The following LMCD1 variants were observed in gnomAD, a reference collection of about 807,000 sequenced individuals.
LMCD1 encodes LIM and cysteine rich domains 1, also known as LIM and cysteine-rich domains protein 1.
A neutral mutation model predicts 42.7 loss-of-function variants in LMCD1; 32 were observed. The ratio of observed to expected loss-of-function variants is 0.75; its 90% CI spans 0.57 to 1.01. The LOEUF (loss-of-function observed/expected upper bound fraction) is 1.01, where lower values mean the gene tolerates loss of function less well. Ranked by LOEUF, LMCD1 falls within the 50% of genes least tolerant of loss-of-function variation. The pLI is 0.00. For synonymous variants in LMCD1, 178 were observed against 184.9 expected, an observed-to-expected ratio of 0.96 and a Z score of 0.30; for missense variants, 458 against 483.1, an observed-to-expected ratio of 0.95 and a Z score of 0.49.
chr3:8,534,069 A>C (rs1694464605), intron 2 of LMCD1, among the ~76,000 whole-genome samples: 2 of 151,950 alleles, frequency 1.3e-5, no homozygotes, highest in Admixed American at 1.3e-4. Flanking sequence ...GCCTGGAAAG[A>C]AAGTCAACTT....
chr3:8,551,794 G>C (rs1363277496), intron 4 of LMCD1, among the ~76,000 whole-genome samples: 1 of 152,202 alleles, frequency 6.6e-6, no homozygotes, highest in Non-Finnish European at 1.5e-5. Flanking sequence ...AAGTGGACGT[G>C]TGTGCTGGCT....
Position 8,574,125 on chromosome 3 carries a change from C to T in LMCD1, c.*6527C>T, listed in dbSNP as rs963785178. ...CACAGCCACCAGTGGCAGCTGGGCT[C>T]ACTTTTGTCCTTGGAGCCAGTGAGC... On this transcript the variant is annotated 3_prime_UTR_variant, in exon 6 of 6. Coordinates refer to ENST00000157600, the MANE Select transcript of LMCD1 (RefSeq NM_014583.4). 2 of 152,252 alleles carry T rather than the reference C, an allele frequency of 1.3e-5. No individual in the cohort carries two copies. The highest frequency in any genetic ancestry group is 3.9e-4 in the East Asian group (2 of 5,194). 9.4% of individuals were successfully genotyped at this position (152,252 alleles called of 1,614,324 possible).
intron 1 of LMCD1, among the ~76,000 whole-genome samples, chr3:8,532,242 T>C (rs1304123141): frequency 6.6e-6 from 1 of 152,170 alleles, no homozygotes. Flanking sequence ...TTTAGCAAAA[T>C]ATTTAAGTTA....
chr3:8,537,181 C>G lies in LMCD1; in HGVS notation c.132-4C>G, dbSNP rs763648160. The G allele has an allele frequency of 1.9e-6, 3 of 1,613,068 alleles. No individual in the cohort carries two copies. The highest frequency in any genetic ancestry group is 1.7e-5 in the Admixed American group (1 of 59,994). The stretch of plus-strand genomic sequence containing the variant: ...CTCACTGGTCCCCATCCACCCACCC[C>G]CAGGAAAATATGCAAGTCTTGCAAA... On this transcript the variant is annotated splice_region_variant and splice_polypyrimidine_tract_variant and intron_variant, in intron 2 of 5. Transcript: ENST00000157600.
intron 3 of LMCD1, among the ~76,000 whole-genome samples, chr3:8,543,111 C>T (rs952784817): frequency 1.3e-5 from 2 of 152,154 alleles, no homozygotes; most frequent in Admixed American, 6.5e-5. Context: ...TCCACTTCTC[C>T]GAAATCCTTC....
intron 3 of LMCD1, among the ~76,000 whole-genome samples, chr3:8,541,242 C>T (rs1694620476): frequency 1.3e-5 from 2 of 152,100 alleles, no homozygotes; most frequent in Admixed American, 1.3e-4. Flanking sequence ...TGCAGAGCAC[C>T]AAGTAACTCA....
At chr3:8,564,354 T>G (rs1695092397) in intron 4 of LMCD1, among the ~76,000 whole-genome samples, 1 of 152,082 alleles carries the variant, frequency 6.6e-6, no homozygotes, top group African/African-American at 2.4e-5. Flanking sequence ...AGCCTCAAAC[T>G]CAAACTCCTG....
chr3:8,550,849 A>C (rs1305279318), intron 4 of LMCD1: 1 of 985,190 alleles, frequency 1.0e-6, no homozygotes, highest in African/African-American at 1.7e-5. Flanking sequence ...AGCATTTCCA[A>C]ATCGCCATTC....
chr3:8,511,660 C>T (rs1188334598), intron 1 of LMCD1, among the ~76,000 whole-genome samples: 1 of 152,220 alleles, frequency 6.6e-6, no homozygotes, highest in Non-Finnish European at 1.5e-5. Context: ...CACCCATATT[C>T]TCCATCCTAT....
chr3:8,508,818 C>T (rs1303951342), intron 1 of LMCD1, among the ~76,000 whole-genome samples: 1 of 152,194 alleles, frequency 6.6e-6, no homozygotes, highest in Non-Finnish European at 1.5e-5. Context: ...CTTCCACCCC[C>T]AGAGTATCCC....
chr3:8,502,302 A>ATTT (rs1693745193), intron 1 of LMCD1, among the ~76,000 whole-genome samples: 2 of 23,426 alleles, frequency 8.5e-5, no homozygotes, highest in African/African-American at 3.2e-4. Context: ...TATATTATAT[A>ATTT]TAATATATAA....
chr3:8,529,056 A>G (rs1383439554), intron 1 of LMCD1, among the ~76,000 whole-genome samples: 2 of 152,198 alleles, frequency 1.3e-5, no homozygotes, highest in East Asian at 1.9e-4. Flanking sequence ...AAACTCTTCT[A>G]TTCTCAGCTA....
chr3:8,553,106 T>C (rs1694869287), intron 4 of LMCD1, among the ~76,000 whole-genome samples: 1 of 152,164 alleles, frequency 6.6e-6, no homozygotes, highest in Non-Finnish European at 1.5e-5. Flanking sequence ...GTGCAGAATC[T>C]ACCACACTAT....
intron 4 of LMCD1, 42 bp downstream of exon 4, chr3:8,548,945 G>A: frequency 7.0e-7 from 1 of 1,420,442 alleles, no homozygotes; most frequent in Non-Finnish European, 9.4e-7. Context: ...AAACCATGCA[G>A]GCCCAGGGCT....
At chr3:8,521,547 G>A (rs951843549) in intron 1 of LMCD1, among the ~76,000 whole-genome samples, 6 of 152,224 alleles carry the variant, frequency 3.9e-5, no homozygotes, top group African/African-American at 7.2e-5. Flanking sequence ...TAGCTCCTCT[G>A]TCCAAACGTC....
chr3:8,527,662 C>T (rs1267352453), intron 1 of LMCD1, among the ~76,000 whole-genome samples: 2 of 152,110 alleles, frequency 1.3e-5, no homozygotes, highest in African/African-American at 4.8e-5. Flanking sequence ...TAGAACTTAA[C>T]CTGTAAAAGA....
At chr3:8,515,576 G>T (rs978175298) in intron 1 of LMCD1, among the ~76,000 whole-genome samples, 7 of 152,246 alleles carry the variant, frequency 4.6e-5, no homozygotes, top group Admixed American at 6.5e-5. Flanking sequence ...CTTGAGAACA[G>T]AGACCATTCC....
intron 1 of LMCD1, among the ~76,000 whole-genome samples, chr3:8,511,719 A>T (rs535199935): frequency 6.6e-6 from 1 of 152,360 alleles, no homozygotes; most frequent in South Asian, 2.1e-4. Flanking sequence ...GTGGAGAAAT[A>T]CATTCCACTG....
intron 3 of LMCD1, among the ~76,000 whole-genome samples, chr3:8,539,375 C>T (rs1394325848): frequency 6.6e-6 from 1 of 152,186 alleles, no homozygotes; most frequent in Non-Finnish European, 1.5e-5. Context: ...TAAGGAAACA[C>T]AGAATGGTTA....
Sources: gnomAD v4.1 joint callset for allele counts (sites outside exome capture counted in the v4.1 genomes callset) on GRCh38, gnomAD v4.1.1 for gene constraint, MANE v1.5 for transcripts, NCBI Gene and HGNC (gene_info 2026-07-23, HGNC 2026-07-21) for gene names.